The following CGNL1 variants were observed in gnomAD, a reference collection of about 807,000 sequenced individuals.
CGNL1 encodes cingulin-like protein 1.
A neutral mutation model predicts 141.2 loss-of-function variants in CGNL1; 132 were observed. The observed-to-expected ratio is 0.93, with a 90% CI of 0.81 to 1.08. The LOEUF (loss-of-function observed/expected upper bound fraction) is 1.08. Among genes scored for constraint, CGNL1 ranks in the 50% least tolerant of loss-of-function variants. CGNL1 has a pLI of 0.00. For missense variants in CGNL1, 1,870 were observed against 1,588.6 expected (o/e 1.18, Z -3.01); for synonymous variants, 690 against 622.1 (o/e 1.11, Z -1.63).
chr15:57,531,836 G>C lies in CGNL1; in HGVS notation c.3291+57G>C, dbSNP rs2031970016. ...TGTCCTGTGTGAAAAAGGAACATGA[G>C]GGGTTAATCCTGGGGCTTCAGTTAA... On this transcript the variant is annotated intron_variant, in intron 14 of 18. Transcript: ENST00000281282. The C allele has an allele frequency of 3.5e-6, 4 of 1,141,704 alleles. No individual in the cohort carries two copies. In the South Asian group the frequency reaches 5.0e-5, roughly 14 times the overall value. 70.7% of individuals were successfully genotyped at this position (1,141,704 alleles called of 1,614,324 possible).
chr15:57,404,108 C>A (rs1350580852), intron 1 of CGNL1, among the ~76,000 whole-genome samples: 1 of 152,248 alleles, frequency 6.6e-6, no homozygotes, highest in Non-Finnish European at 1.5e-5. Flanking sequence ...TCAGCCCTTT[C>A]TCAAGGCTGC....
At chr15:57,473,065 C>T (rs978381940) in intron 8 of CGNL1, among the ~76,000 whole-genome samples, 39 of 152,260 alleles carry the variant, frequency 2.6e-4, no homozygotes, top group Admixed American at 2.4e-3. Context: ...GATGGCCCTA[C>T]ACCAGATGCA....
intron 1 of CGNL1, among the ~76,000 whole-genome samples, chr15:57,410,749 C>T (rs547369950): frequency 4.2e-4 from 64 of 152,284 alleles, no homozygotes; most frequent in African/African-American, 1.5e-3. Flanking sequence ...TTTTCTCATG[C>T]TTATGAGGAG....
intron 1 of CGNL1, among the ~76,000 whole-genome samples, chr15:57,395,683 C>G (rs77542774): frequency 0.023 from 3,493 of 152,330 alleles, 58 homozygotes; most frequent in East Asian, 0.037. Context: ...GTGCTGGGCA[C>G]TACGTTAAGC....
intron 17 of CGNL1, 66 bp downstream of exon 17, chr15:57,545,766 G>A: frequency 7.4e-7 from 1 of 1,353,364 alleles, no homozygotes; most frequent in Non-Finnish European, 1.0e-6. Flanking sequence ...GGGAGCAAGG[G>A]AGGCAAGGCC....
chr15:57,452,062 G>C lies in CGNL1; in HGVS notation c.1906-79G>C. On this transcript the variant is annotated intron_variant, in intron 5 of 18. Coordinates refer to ENST00000281282, the MANE Select transcript of CGNL1 (RefSeq NM_032866.5). Reference sequence around the variant, plus strand: ...ATGTAAGTGCAAAGATATGGAGTCTGCTTGTTGAGAAGTAGGCTTCTGTGG... The same window carrying C: ...ATGTAAGTGCAAAGATATGGAGTCTCCTTGTTGAGAAGTAGGCTTCTGTGG... 7 of 1,286,326 alleles carry C rather than the reference G, an allele frequency of 5.4e-6. No homozygotes were observed. The South Asian group carries it at 7.9e-5, about 14-fold the overall frequency. The allele number at this position is 1,286,326 out of a possible 1,614,324, so 79.7% of individuals were successfully genotyped here. A position where few individuals can be genotyped will look rare whatever the true frequency, so the allele number is the denominator to read the frequency against.
intron 12 of CGNL1, among the ~76,000 whole-genome samples, chr15:57,525,070 T>C (rs2031529508): frequency 6.6e-6 from 1 of 152,230 alleles, no homozygotes; most frequent in South Asian, 2.1e-4. Flanking sequence ...ATGATTTATT[T>C]ATATGCTTTC....
intron 8 of CGNL1, among the ~76,000 whole-genome samples, chr15:57,462,642 A>T (rs1158607190): frequency 1.3e-5 from 2 of 152,184 alleles, no homozygotes; most frequent in Non-Finnish European, 2.9e-5. Context: ...AGAATTCTTG[A>T]TATTGTTTAT....
chr15:57,445,418 C>T (rs1461898791), intron 4 of CGNL1, among the ~76,000 whole-genome samples: 4 of 152,134 alleles, frequency 2.6e-5, no homozygotes, highest in African/African-American at 9.7e-5. Context: ...TGATTACTTG[C>T]TGGCAAAGGT....
At chr15:57,537,069 G>C (rs1460996695) in intron 14 of CGNL1, among the ~76,000 whole-genome samples, 1 of 152,218 alleles carries the variant, frequency 6.6e-6, no homozygotes, top group Non-Finnish European at 1.5e-5. Context: ...CCAATAGGCT[G>C]TTGTGCTGGC....
At chr15:57,428,750 C>T (rs1237370025) in intron 1 of CGNL1, among the ~76,000 whole-genome samples, 1 of 152,092 alleles carries the variant, frequency 6.6e-6, no homozygotes, top group East Asian at 1.9e-4. Context: ...GTGGGCCGGG[C>T]GTAGTGGCTC....
At chr15:57,511,910 CTG>C (rs1242606754) in intron 8 of CGNL1, among the ~76,000 whole-genome samples, 3 of 152,204 alleles carry the variant, frequency 2.0e-5, no homozygotes, top group Non-Finnish European at 4.4e-5. Flanking sequence ...TTATTAAAAA[CTG>C]TGTGCTTTTT....
chr15:57,430,089 G>C (rs1482411978), intron 1 of CGNL1, among the ~76,000 whole-genome samples: 1 of 152,248 alleles, frequency 6.6e-6, no homozygotes, highest in Admixed American at 6.5e-5. Context: ...GGGGTGACTG[G>C]CGTGAGCCAC....
chr15:57,490,828 C>A (rs763758207), intron 8 of CGNL1, among the ~76,000 whole-genome samples: 1 of 152,274 alleles, frequency 6.6e-6, no homozygotes, highest in East Asian at 1.9e-4. Context: ...ATTTCAGCAT[C>A]AATCACATTG....
At chr15:57,503,012 A>G (rs763073866) in intron 8 of CGNL1, among the ~76,000 whole-genome samples, 1 of 152,182 alleles carries the variant, frequency 6.6e-6, no homozygotes, top group African/African-American at 2.4e-5. Context: ...CAGGCATAGC[A>G]TTTCATTAAG....
chr15:57,507,901 T>C (rs900369219), intron 8 of CGNL1, among the ~76,000 whole-genome samples: 7 of 152,304 alleles, frequency 4.6e-5, no homozygotes, highest in Admixed American at 2.6e-4. Flanking sequence ...TGAAACAAGA[T>C]AGACTGACCC....
chr15:57,465,022 G>T (rs772171463), intron 8 of CGNL1, among the ~76,000 whole-genome samples: 44 of 152,096 alleles, frequency 2.9e-4, no homozygotes, highest in Admixed American at 4.6e-4. Flanking sequence ...AAAGTGCTGG[G>T]ATTACAGATG....
At chr15:57,490,848 A>G (rs1368162778) in intron 8 of CGNL1, among the ~76,000 whole-genome samples, 1 of 152,096 alleles carries the variant, frequency 6.6e-6, no homozygotes, top group Non-Finnish European at 1.5e-5. Flanking sequence ...GATAGTATCT[A>G]CCCTTGATAT....
intron 1 of CGNL1, chr15:57,394,119 T>TTTTC (rs1400982868): frequency 6.9e-6 from 1 of 144,418 alleles, no homozygotes; most frequent in Non-Finnish European, 1.5e-5. Context: ...TTTTTTTTTT[T>TTTTC]TTTGAGATGG....
Sources: gnomAD v4.1 joint callset for allele counts (sites outside exome capture counted in the v4.1 genomes callset) on GRCh38, gnomAD v4.1.1 for gene constraint, MANE v1.5 for transcripts, NCBI Gene and HGNC (gene_info 2026-07-23, HGNC 2026-07-21) for gene names.